TBC1D31: variants seen among roughly 807,000 people sequenced by gnomAD.
The protein encoded by TBC1D31 is WD repeat domain 67.
A neutral mutation model predicts 132.9 loss-of-function variants in TBC1D31; 99 were observed. That is an observed-to-expected ratio of 0.74 (90% CI 0.63 to 0.88). The LOEUF is 0.88. Among genes scored for constraint, TBC1D31 ranks in the 40% least tolerant of loss-of-function variants. TBC1D31 has a pLI of 0.00. For missense variants in TBC1D31, 1,134 were observed against 1,256.6 expected, an observed-to-expected ratio of 0.90 and a Z score of 1.48; for synonymous variants, 385 against 419.4, an observed-to-expected ratio of 0.92 and a Z score of 1.00.
At chr8:123,157,556 TGC>T in the TBC1D31 span, among the ~76,000 whole-genome samples, 1 of 152,096 alleles carries the variant, frequency 6.6e-6, no homozygotes, top group Non-Finnish European at 1.5e-5. Context: ...TTTTGTGTAG[TGC>T]GTACAAACCG....
chr8:123,107,488 AAACTG>A (rs1245990921), intron 8 of TBC1D31, among the ~76,000 whole-genome samples: 4 of 152,200 alleles, frequency 2.6e-5, no homozygotes, highest in Non-Finnish European at 5.9e-5. Context: ...TTTAAAGAAA[AAACTG>A]AATAGCAGAC....
intron 4 of TBC1D31, among the ~76,000 whole-genome samples, chr8:123,093,090 G>A (rs569916881): frequency 3.9e-5 from 6 of 152,090 alleles, no homozygotes; most frequent in African/African-American, 7.2e-5. Context: ...GGGATTACAG[G>A]TGTGAGTCAC....
At chr8:123,124,269 G>A (rs79068038) in intron 11 of TBC1D31, among the ~76,000 whole-genome samples, 2,120 of 152,202 alleles carry the variant, frequency 0.014, 43 homozygotes, top group African/African-American at 0.048. Flanking sequence ...AATTTGGAAC[G>A]TATTTGTAAA....
intron 19 of TBC1D31, 51 bp from the exon 20 acceptor site, chr8:123,144,666 T>C: frequency 6.5e-7 from 1 of 1,533,600 alleles, no homozygotes; most frequent in Non-Finnish European, 8.8e-7. Context: ...CTGTGAAATG[T>C]GTATTACTAT....
intron 3 of TBC1D31, 29 bp from the exon 4 acceptor site, chr8:123,084,133 C>G (rs1815471944): frequency 1.9e-6 from 3 of 1,599,454 alleles, no homozygotes; most frequent in Non-Finnish European, 2.6e-6. Flanking sequence ...AGTGTTTTAC[C>G]TGGGTAACAA....
intron 7 of TBC1D31, among the ~76,000 whole-genome samples, chr8:123,104,669 AGTT>A (rs2130449621): frequency 6.6e-6 from 1 of 152,304 alleles, no homozygotes; most frequent in African/African-American, 2.4e-5. Context: ...AGTAAATTGA[AGTT>A]GTTCAGGTTT....
chr8:123,161,304 A>G, the TBC1D31 span, among the ~76,000 whole-genome samples: 1 of 152,258 alleles, frequency 6.6e-6, no homozygotes, highest in African/African-American at 2.4e-5. Flanking sequence ...CCCCCGCGAA[A>G]ACCTGATCCC....
intron 1 of TBC1D31, 121 bp from the exon 2 acceptor site, chr8:123,076,990 G>T: frequency 3.4e-6 from 3 of 879,932 alleles, no homozygotes; most frequent in Non-Finnish European, 5.1e-6. Flanking sequence ...AGGAGCGGGG[G>T]TATAGCGGTA....
At chr8:123,134,491 T>C (rs1338804107) in intron 17 of TBC1D31, among the ~76,000 whole-genome samples, 1 of 151,838 alleles carries the variant, frequency 6.6e-6, no homozygotes, top group Admixed American at 6.6e-5. Context: ...CACATCACTG[T>C]ACTCCAGCCT....
At chr8:123,163,328 G>T in the TBC1D31 span, among the ~76,000 whole-genome samples, 1 of 146,864 alleles carries the variant, frequency 6.8e-6, no homozygotes, top group African/African-American at 2.5e-5. Flanking sequence ...TTTAAATTGT[G>T]GTAAATATAT....
chr8:123,165,025 T>C, the TBC1D31 span, among the ~76,000 whole-genome samples: 7 of 152,198 alleles, frequency 4.6e-5, no homozygotes, highest in Middle Eastern at 3.2e-3. Context: ...TGGATACAGA[T>C]ACACACAGAG....
In TBC1D31 at chr8:123,111,486, T is replaced by G. The variant is rs2130570415; in HGVS notation, c.1436+1866T>G. Among the ~76,000 whole-genome samples, 2 of 152,320 alleles carry G rather than the reference T, an allele frequency of 1.3e-5. 1 individual carries two copies. Among genetic ancestry groups the G allele is most frequent in the Middle Eastern group, 6.8e-3 (2 of 294 alleles). ...CAGTGTATTGATTATGAACTCAGAT[T>G]GAACATATAGACCTTTTCAGTACAT... On this transcript the variant is annotated intron_variant, in intron 10 of 21. Transcript: ENST00000287380.
chr8:123,092,808 ATTT>A (rs71573666), intron 4 of TBC1D31, among the ~76,000 whole-genome samples: 3 of 103,546 alleles, frequency 2.9e-5, no homozygotes, highest in East Asian at 2.4e-4. Context: ...CACCCGGCTA[ATTT>A]TTTTTTTTTT....
At chr8:123,163,458 C>T in the TBC1D31 span, among the ~76,000 whole-genome samples, 1 of 150,964 alleles carries the variant, frequency 6.6e-6, no homozygotes, top group Non-Finnish European at 1.5e-5. Flanking sequence ...TCCACCTCCC[C>T]AGCCTTAGTG....
chr8:123,099,126 G>A (rs759098323), intron 6 of TBC1D31, among the ~76,000 whole-genome samples: 9 of 152,048 alleles, frequency 5.9e-5, no homozygotes, highest in Non-Finnish European at 1.2e-4. Flanking sequence ...TTGGTTTTTG[G>A]TTTTTGGTTT....
chr8:123,096,262 G>T (rs1422965740), intron 5 of TBC1D31, among the ~76,000 whole-genome samples: 1 of 150,896 alleles, frequency 6.6e-6, no homozygotes. Flanking sequence ...CGCCTCCCTC[G>T]CTTCATCTCA....
intron 17 of TBC1D31, among the ~76,000 whole-genome samples, chr8:123,140,286 C>T (rs554586485): frequency 4.7e-4 from 71 of 152,200 alleles, no homozygotes; most frequent in Middle Eastern, 3.4e-3. Context: ...CACTTGAACC[C>T]GGGAGGTGGA....
the TBC1D31 span, among the ~76,000 whole-genome samples, chr8:123,157,318 C>G: frequency 2.0e-5 from 3 of 152,248 alleles, no homozygotes; most frequent in Admixed American, 2.0e-4. Context: ...GTAAGGGTTT[C>G]CGGACGGATC....
intron 20 of TBC1D31, among the ~76,000 whole-genome samples, chr8:123,145,125 A>G (rs756032026): frequency 6.6e-6 from 1 of 152,104 alleles, no homozygotes; most frequent in South Asian, 2.1e-4. Context: ...AGATCTCACT[A>G]TGTTGCCCAA....
Sources: gnomAD v4.1 joint callset for allele counts (sites outside exome capture counted in the v4.1 genomes callset) on GRCh38, gnomAD v4.1.1 for gene constraint, MANE v1.5 for transcripts, NCBI Gene and HGNC (gene_info 2026-07-23, HGNC 2026-07-21) for gene names.